Variants in PGA5 observed in about 807,000 individuals in gnomAD.
The protein encoded by PGA5 is pepsinogen A5, also known as pepsin A-5.
PGA5 carries 19 observed loss-of-function variants against 15.9 expected under a neutral mutation model. The observed-to-expected ratio is 1.19, with a 90% CI of 0.83 to 1.75. PGA5 has a LOEUF of 1.75. PGA5 is among the 40% of genes most tolerant of loss of function. The pLI is 0.00. For missense variants in PGA5, 224 were observed against 246.4 expected (o/e 0.91, Z 0.61); for synonymous variants, 92 against 95.8 (o/e 0.96, Z 0.23).
intron 8 of PGA5, chr11:61,250,808 A>G: frequency 1.7e-6 from 1 of 577,884 alleles, no homozygotes; most frequent in East Asian, 4.0e-5. Context: ...TAATGAGAAA[A>G]GGATGTAGTG....
At chr11:61,246,666 G>A (rs981972205) in intron 5 of PGA5, among the ~76,000 whole-genome samples, 1 of 152,036 alleles carries the variant, frequency 6.6e-6, no homozygotes, top group East Asian at 1.9e-4. Flanking sequence ...AGGAGGCTGA[G>A]GCAGGGAGAA....
chr11:61,245,813 C>G, intron 4 of PGA5, 133 bp from the exon 5 acceptor site: 1 of 103,766 alleles, frequency 9.6e-6, no homozygotes, highest in Non-Finnish European at 1.6e-5. Context: ...TCCCTCTGCC[C>G]TCCTCCCGGG....
At chr11:61,247,099 C>T (rs545465493) in intron 5 of PGA5, among the ~76,000 whole-genome samples, 156 of 152,064 alleles carry the variant, frequency 1.0e-3, no homozygotes, top group Non-Finnish European at 1.9e-3. Context: ...TCCTCTAACA[C>T]TCACCTACAT....
chr11:61,247,996 G>A, intron 5 of PGA5: 1 of 590,324 alleles, frequency 1.7e-6, no homozygotes, highest in Non-Finnish European at 3.0e-6. Flanking sequence ...GCCCCTGGGG[G>A]CAAAACTGCT....
rs1447290278 is a variant in PGA5, at chr11:61,251,190, A to G, written c.1076A>G (p.Glu359Gly). The change falls in exon 9 of 9, where the codon GAG (glutamate) becomes GGG (glycine). Residue 359 changes from glutamate (E) to glycine (G), a missense_variant. Glu to Gly is a moderately conservative substitution (Grantham distance 98). Transcript: ENST00000312403. ...ATGAACGTCCCCACCGAATCTGGAG[A>G]GCTTTGGATCCTGGGTGATGTCTTC... ...QGMNVPTESG[E>G]LWILGDVFIR... The G allele has an allele frequency of 2.5e-6, 4 of 1,611,558 alleles. No homozygotes were observed. Among genetic ancestry groups the G allele is most frequent in the Admixed American group, 3.3e-5 (2 of 59,980 alleles).
At chr11:61,247,360 G>A (rs542707991) in intron 5 of PGA5, among the ~76,000 whole-genome samples, 3 of 151,250 alleles carry the variant, frequency 2.0e-5, no homozygotes, top group African/African-American at 7.3e-5. Context: ...CTCACTGCAA[G>A]CTCTGCCTCC....
intron 6 of PGA5, chr11:61,249,380 C>T (rs1854107392): frequency 5.4e-6 from 3 of 553,900 alleles, no homozygotes; most frequent in South Asian, 2.0e-5. Context: ...GCCCTTCTGC[C>T]AACATAACTT....
rs186513128 is a variant in PGA5 at position 61,247,111 on chromosome 11, G to A, written c.656+966G>A. 3.4e-3 allele frequency among the ~76,000 whole-genome samples: 522 copies of A among 151,942 alleles called. 4 individuals carry two copies. The highest frequency in any genetic ancestry group is 4.6e-3 in the Non-Finnish European group (311 of 68,006). On this transcript the variant is annotated intron_variant, in intron 5 of 8. Transcript: ENST00000312403. ...CTTTCCTCTAACACTCACCTACATC[G>A]TCCTCTCTTGAAAGGGTTCGCCGTC...
rs773337905 is a variant in PGA5 at position 61,249,786 on chromosome 11, C to T, written c.891C>T (p.Ile297=). The change falls in exon 7 of 9, where the codon ATC becomes ATT. Residue 297 remains isoleucine (I), a synonymous_variant. Coordinates refer to ENST00000312403, the MANE Select transcript of PGA5 (RefSeq NM_014224.5). ...CCATTGCCAACATCCAGAGCGACAT[C>T]GGAGCCAGCGAGAACTCAGATGGCG... ...TSPIANIQSD[I]GASENSDGDM... 148 of 1,613,520 alleles carry T rather than the reference C, an allele frequency of 9.2e-5. 1 individual carries two copies. In the South Asian group the frequency reaches 1.3e-3, roughly 14 times the overall value.
Position 61,246,137 on chromosome 11 carries a change from C to A in PGA5, c.648C>A (p.Tyr216Ter). Residue 216 changes from tyrosine (Y) to a stop codon, truncating the protein, a stop_gained, in exon 5 of 9, where the codon TAC becomes TAA. Coordinates refer to ENST00000312403, the MANE Select transcript of PGA5 (RefSeq NM_014224.5). LOFTEE classifies it high-confidence loss of function. ...TTTCTCAGGACCTCTTCTCTGTCTACCTCAGCGCGTAAGTTGAGTGGAGAG... is the reference window on the plus strand; with the variant it reads ...TTTCTCAGGACCTCTTCTCTGTCTAACTCAGCGCGTAAGTTGAGTGGAGAG... ...GLVSQDLFSV[Y>*]LSADDKSGSV... 2.4e-6 allele frequency: 1 copy of A among 410,246 alleles called. No individual in the cohort carries two copies. 25.4% of individuals were successfully genotyped at this position (410,246 alleles called of 1,614,324 possible). A position where few individuals can be genotyped will look rare whatever the true frequency, so the allele number is the denominator to read the frequency against.
chr11:61,250,683 G>A (rs1419113944), intron 8 of PGA5: 1 of 463,284 alleles, frequency 2.2e-6, no homozygotes, highest in Admixed American at 2.3e-5. Context: ...ATGGGATGGG[G>A]CTGCGGGGGT....
chr11:61,247,898 T>C (rs2134704919), intron 5 of PGA5, among the ~76,000 whole-genome samples: 1 of 152,118 alleles, frequency 6.6e-6, no homozygotes, highest in Non-Finnish European at 1.5e-5. Flanking sequence ...GTAGGATGTT[T>C]GGCAGCATCC....
rs757055059 is a variant in PGA5, at chr11:61,248,507, G to A, written c.745G>A (p.Glu249Lys). 20 of 1,612,908 alleles carry A rather than the reference G, an allele frequency of 1.2e-5. No homozygotes were observed. The highest frequency in any genetic ancestry group is 7.7e-5 in the South Asian group (7 of 91,034). Residue 249 changes from glutamate to lysine, a missense_variant, in exon 6 of 9, where the codon GAG (glutamate) becomes AAG (lysine). By Grantham distance (56) the Glu-to-Lys change is moderately conservative. Transcript: ENST00000312403. ...TCTGAACTGGGTGCCTGTTACCGTC[G>A]AGGGTTACTGGCAGATCACCGTGGA... ...GSLNWVPVTV[E>K]GYWQITVDSI... is the part of the protein sequence containing the mutation.
At chr11:61,250,296 C>T (rs1565210384) in intron 8 of PGA5, among the ~76,000 whole-genome samples, 1 of 151,358 alleles carries the variant, frequency 6.6e-6, no homozygotes, top group Non-Finnish European at 1.5e-5. Flanking sequence ...GTCTGAATTA[C>T]TAGCCCATTG....
In PGA5 at chr11:61,249,916, A is replaced by C; in HGVS notation, c.919A>C (p.Met307Leu). ...IGASENSDGD[M>L]VVSCSAISSL... Reference sequence around the variant, plus strand: ...CTTTTCTCACCCTCACTCTTTCCAGATGGTGGTCAGCTGCTCAGCCATCAG... The same window carrying C: ...CTTTTCTCACCCTCACTCTTTCCAGCTGGTGGTCAGCTGCTCAGCCATCAG... The change falls in exon 8 of 9, where the codon ATG (methionine) becomes CTG (leucine). Residue 307 changes from methionine (M) to leucine (L), a missense_variant and splice_region_variant. By Grantham distance (15) the Met-to-Leu change is conservative. Coordinates refer to ENST00000312403, the MANE Select transcript of PGA5 (RefSeq NM_014224.5). The C allele has an allele frequency of 6.2e-7, 1 of 1,613,510 alleles. No individual in the cohort carries two copies. The highest frequency in any genetic ancestry group is 8.5e-7 in the Non-Finnish European group (1 of 1,179,838).
At chr11:61,249,617 G>C in intron 6 of PGA5, 52 bp from the exon 7 acceptor site, 1 of 1,613,470 alleles carries the variant, frequency 6.2e-7, no homozygotes, top group Non-Finnish European at 8.5e-7. Flanking sequence ...TTCCTCCTTG[G>C]AGAGATGAAC....
intron 8 of PGA5, among the ~76,000 whole-genome samples, chr11:61,250,471 G>A (rs1274796798): frequency 6.6e-6 from 1 of 151,346 alleles, no homozygotes; most frequent in Non-Finnish European, 1.5e-5. Flanking sequence ...CCATAGGCTG[G>A]GGCTTCCAAC....
rs1006106706 is a variant in PGA5 at position 61,248,336 on chromosome 11, G to A, written c.657-83G>A. 1.6e-5 allele frequency: 26 copies of A among 1,613,648 alleles called. No homozygotes were observed. The Middle Eastern group carries it at 4.9e-4, about 31-fold the overall frequency. Reference sequence around the variant, plus strand: ...CAGCCCTGGAAAGTGCCCAATCAACGGTCGCTCTGAGGAGGCAACAGCAGA... The same window carrying A: ...CAGCCCTGGAAAGTGCCCAATCAACAGTCGCTCTGAGGAGGCAACAGCAGA... On this transcript the variant is annotated intron_variant, in intron 5 of 8. Transcript: ENST00000312403.
intron 5 of PGA5, 195 bp from the exon 6 acceptor site, chr11:61,248,224 C>A: frequency 7.4e-7 from 1 of 1,360,272 alleles, no homozygotes; most frequent in Non-Finnish European, 1.1e-6. Context: ...TCAGTGTCCT[C>A]ATGGTAAGTG....
Sources: allele counts gnomAD v4.1 joint callset (sites outside exome capture counted in the v4.1 genomes callset), GRCh38; gene constraint gnomAD v4.1.1; transcripts MANE v1.5; gene names NCBI Gene and HGNC (gene_info 2026-07-23, HGNC 2026-07-21).